Variants in CNTN4 observed in about 807,000 individuals in gnomAD.
The protein encoded by CNTN4 is contactin-4.
A neutral mutation model predicts 122.5 loss-of-function variants in CNTN4; 77 were observed. The ratio of observed to expected loss-of-function variants is 0.63; its 90% CI spans 0.52 to 0.76. The LOEUF is 0.76. Ranked by LOEUF, CNTN4 falls within the 30% of genes least tolerant of loss-of-function variation. The pLI is 0.00. For synonymous variants in CNTN4, 512 were observed against 447.0 expected (o/e 1.15, Z -1.83); for missense variants, 1,256 against 1,259.1 (o/e 1.00, Z 0.04).
chr3:2,314,886 G>T (rs2043040262), intron 2 of CNTN4, among the ~76,000 whole-genome samples: 1 of 151,940 alleles, frequency 6.6e-6, no homozygotes, highest in African/African-American at 2.4e-5. Flanking sequence ...CTTCTTAACA[G>T]CTTCAGTGTT....
chr3:2,918,606 T>G (rs575226418), intron 12 of CNTN4, among the ~76,000 whole-genome samples: 93 of 152,316 alleles, frequency 6.1e-4, no homozygotes, highest in African/African-American at 2.1e-3. Flanking sequence ...AAGGTAGGAA[T>G]ATTTACACCA....
At chr3:2,189,259 G>A (rs1444081432) in intron 2 of CNTN4, among the ~76,000 whole-genome samples, 1 of 152,136 alleles carries the variant, frequency 6.6e-6, no homozygotes, top group African/African-American at 2.4e-5. Flanking sequence ...AGAGAAAAAT[G>A]CTCTTGATGT....
At chr3:2,669,324 G>C (rs1315068278) in intron 4 of CNTN4, among the ~76,000 whole-genome samples, 3 of 152,294 alleles carry the variant, frequency 2.0e-5, no homozygotes, top group East Asian at 3.9e-4. Context: ...TCTTGGGAGG[G>C]TGTATGTGTC....
chr3:2,369,220 G>T (rs1351207769), intron 3 of CNTN4, among the ~76,000 whole-genome samples: 3 of 152,080 alleles, frequency 2.0e-5, no homozygotes, highest in Non-Finnish European at 4.4e-5. Context: ...ACCACACCTG[G>T]CCCCAAAATT....
chr3:2,337,042 G>A (rs754873850), intron 2 of CNTN4, among the ~76,000 whole-genome samples: 2 of 152,124 alleles, frequency 1.3e-5, no homozygotes, highest in Non-Finnish European at 2.9e-5. Flanking sequence ...AGGAGCAACA[G>A]GTGGGATGCA....
chr3:2,934,122 C>T (rs1050442206), intron 13 of CNTN4, among the ~76,000 whole-genome samples: 2 of 152,092 alleles, frequency 1.3e-5, no homozygotes, highest in South Asian at 2.1e-4. Flanking sequence ...GGAACCTTAA[C>T]GTTACCTTGG....
intron 3 of CNTN4, among the ~76,000 whole-genome samples, chr3:2,480,636 G>A (rs1478825567): frequency 6.6e-6 from 1 of 152,206 alleles, no homozygotes; most frequent in Admixed American, 6.5e-5. Context: ...TATATTTCAT[G>A]TTTATACATA....
At chr3:2,874,841 G>A (rs997554901) in intron 8 of CNTN4, among the ~76,000 whole-genome samples, 3 of 152,074 alleles carry the variant, frequency 2.0e-5, no homozygotes, top group Non-Finnish European at 4.4e-5. Flanking sequence ...CTAGGAATTG[G>A]CAAACTCTTT....
chr3:2,438,861 T>C (rs2048340386), intron 3 of CNTN4, among the ~76,000 whole-genome samples: 2 of 152,154 alleles, frequency 1.3e-5, no homozygotes, highest in Admixed American at 1.3e-4. Flanking sequence ...GATTAACATC[T>C]GCAGCAGTGT....
At chr3:2,669,710 G>A (rs773836878) in intron 4 of CNTN4, among the ~76,000 whole-genome samples, 5 of 152,130 alleles carry the variant, frequency 3.3e-5, no homozygotes, top group African/African-American at 9.7e-5. Flanking sequence ...GATCTTTCCT[G>A]CTTTCTCTTG....
chr3:2,662,423 A>G (rs2083941742), intron 4 of CNTN4, among the ~76,000 whole-genome samples: 1 of 152,218 alleles, frequency 6.6e-6, no homozygotes, highest in South Asian at 2.1e-4. Flanking sequence ...GGACATCAAC[A>G]TCCAGCTGCT....
At chr3:2,965,225 G>A (rs558809113) in intron 13 of CNTN4, among the ~76,000 whole-genome samples, 28 of 152,140 alleles carry the variant, frequency 1.8e-4, no homozygotes, top group East Asian at 5.8e-4. Flanking sequence ...CAAGCATATC[G>A]GAGCCAAATT....
intron 2 of CNTN4, among the ~76,000 whole-genome samples, chr3:2,329,129 G>C (rs12494952): frequency 2.0e-5 from 3 of 151,812 alleles, no homozygotes; most frequent in African/African-American, 7.3e-5. Flanking sequence ...ATTTACAAGC[G>C]TAACATAAAT....
intron 3 of CNTN4, among the ~76,000 whole-genome samples, chr3:2,371,873 T>C (rs1373201593): frequency 6.6e-6 from 1 of 152,216 alleles, no homozygotes; most frequent in African/African-American, 2.4e-5. Context: ...TTGGGAAACA[T>C]GGTAAATAAT....
chr3:2,467,787 T>A (rs1355386526), intron 3 of CNTN4, among the ~76,000 whole-genome samples: 1 of 152,210 alleles, frequency 6.6e-6, no homozygotes, highest in Non-Finnish European at 1.5e-5. Context: ...GAGACAGACC[T>A]GAACTTGGCC....
intron 4 of CNTN4, among the ~76,000 whole-genome samples, chr3:2,599,401 T>C (rs967026762): frequency 1.3e-5 from 2 of 152,224 alleles, no homozygotes; most frequent in Non-Finnish European, 2.9e-5. Flanking sequence ...TCTCCAATCC[T>C]TGGGGATTTA....
intron 3 of CNTN4, among the ~76,000 whole-genome samples, chr3:2,550,648 C>T (rs1441102193): frequency 3.3e-5 from 5 of 152,302 alleles, no homozygotes; most frequent in African/African-American, 7.2e-5. Context: ...GACACATCCA[C>T]ATGTATGCTT....
intron 3 of CNTN4, among the ~76,000 whole-genome samples, chr3:2,481,458 A>C (rs1440817532): frequency 6.6e-6 from 1 of 152,092 alleles, no homozygotes; most frequent in East Asian, 1.9e-4. Flanking sequence ...TCTTTTCAAT[A>C]AATGGTCCTG....
At chr3:2,144,909 A>C (rs1413847038) in intron 2 of CNTN4, among the ~76,000 whole-genome samples, 3 of 152,210 alleles carry the variant, frequency 2.0e-5, no homozygotes, top group African/African-American at 7.2e-5. Flanking sequence ...ATAAACAGGA[A>C]TACACGAGCA....
Sources: gnomAD v4.1 joint callset for allele counts (sites outside exome capture counted in the v4.1 genomes callset) on GRCh38, gnomAD v4.1.1 for gene constraint, MANE v1.5 for transcripts, NCBI Gene and HGNC (gene_info 2026-07-23, HGNC 2026-07-21) for gene names.